The following GHR variants were observed in gnomAD, a reference collection of about 807,000 sequenced individuals.
GHR encodes the protein growth hormone receptor.
Under a neutral mutation model 67.1 loss-of-function variants are expected in GHR, and 35 were observed. The ratio of observed to expected loss-of-function variants is 0.52; its 90% CI spans 0.40 to 0.69. The LOEUF (loss-of-function observed/expected upper bound fraction) is 0.69. GHR is among the 30% of genes least tolerant of loss of function. GHR has a pLI of 0.00. For missense variants in GHR, 792 were observed against 764.6 expected (o/e 1.04, Z -0.42); for synonymous variants, 272 against 269.1 (o/e 1.01, Z -0.10).
At chr5:42,547,521 G>A (rs1244327335) in intron 1 of GHR, among the ~76,000 whole-genome samples, 2 of 152,046 alleles carry the variant, frequency 1.3e-5, no homozygotes, top group African/African-American at 2.4e-5. Flanking sequence ...TAAATGTTTA[G>A]TATTTTATAC....
At chr5:42,657,528 TGA>T (rs1161475126) in intron 3 of GHR, among the ~76,000 whole-genome samples, 1 of 152,174 alleles carries the variant, frequency 6.6e-6, no homozygotes, top group African/African-American at 2.4e-5. Context: ...CTTTTATTCT[TGA>T]GAGTTGTCCA....
chr5:42,445,083 G>A (rs189197699), intron 1 of GHR, among the ~76,000 whole-genome samples: 1 of 152,244 alleles, frequency 6.6e-6, no homozygotes, highest in East Asian at 1.9e-4. Context: ...AACATACAAA[G>A]CCTCATTGTC....
At chr5:42,534,159 T>G (rs1748114209) in intron 1 of GHR, among the ~76,000 whole-genome samples, 1 of 96,754 alleles carries the variant, frequency 1.0e-5, no homozygotes, top group Non-Finnish European at 2.3e-5. Flanking sequence ...TATGTATATA[T>G]ATGTACATAT....
chr5:42,566,978 A>C (rs1423311272), intron 2 of GHR, among the ~76,000 whole-genome samples: 1 of 152,248 alleles, frequency 6.6e-6, no homozygotes, highest in African/African-American at 2.4e-5. Context: ...AGCAATTTAA[A>C]AATATTTATA....
rs2940921 is a variant in GHR, at chr5:42,429,665, T to C, written c.-12+5710T>C. ...GAATGTACTATAAATTTATGGAAAG[T>C]ATAATACTGTGTGGGTAAATAAAAT... On this transcript the variant is annotated intron_variant, in intron 1 of 9. Transcript: ENST00000230882. Among the ~76,000 whole-genome samples the C allele has an allele frequency of 7.7e-3, 1,166 of 152,336 alleles. 61 individuals are homozygous for C. In the East Asian group the frequency reaches 0.15, roughly 19 times the overall value.
chr5:42,599,871 C>A (rs1272192914), intron 2 of GHR, among the ~76,000 whole-genome samples: 1 of 152,134 alleles, frequency 6.6e-6, no homozygotes, highest in Non-Finnish European at 1.5e-5. Context: ...GGCAAACATT[C>A]TCTACTTTTT....
chr5:42,701,065 C>T (rs893444121), intron 6 of GHR, among the ~76,000 whole-genome samples: 6 of 152,124 alleles, frequency 3.9e-5, no homozygotes, highest in South Asian at 2.1e-4. Context: ...CCTGAGGTGG[C>T]GGTTCTCAAA....
intron 1 of GHR, among the ~76,000 whole-genome samples, chr5:42,532,889 A>C (rs1048226414): frequency 4.6e-5 from 7 of 152,174 alleles, no homozygotes; most frequent in Admixed American, 3.9e-4. Flanking sequence ...AATAATGCTG[A>C]AAGAAATGTT....
intron 2 of GHR, among the ~76,000 whole-genome samples, chr5:42,587,269 T>C (rs1579999649): frequency 6.6e-6 from 1 of 152,122 alleles, no homozygotes; most frequent in African/African-American, 2.4e-5. Context: ...CTGCAGAAAC[T>C]GAAATACTTA....
intron 1 of GHR, chr5:42,468,343 A>C: frequency 1.3e-6 from 2 of 1,542,066 alleles, no homozygotes; most frequent in Admixed American, 3.6e-5. Flanking sequence ...TCAGCAGGGG[A>C]ACGCCTATAG....
intron 3 of GHR, among the ~76,000 whole-genome samples, chr5:42,644,844 C>T (rs1276009815): frequency 1.3e-5 from 2 of 151,774 alleles, no homozygotes; most frequent in African/African-American, 4.8e-5. Flanking sequence ...TTTGCAAATT[C>T]CAAAATAAAA....
At chr5:42,541,046 G>A (rs1748495068) in intron 1 of GHR, among the ~76,000 whole-genome samples, 1 of 147,758 alleles carries the variant, frequency 6.8e-6, no homozygotes. Context: ...TACCCACCAT[G>A]TTTTACTTTT....
chr5:42,423,910 G>C lies in GHR; in HGVS notation c.-57G>C, dbSNP rs1447208747. 2 of 153,918 alleles carry C rather than the reference G, an allele frequency of 1.3e-5. No homozygotes were observed. Among genetic ancestry groups the C allele is most frequent in the Admixed American group, 6.6e-5 (1 of 15,262 alleles). 9.5% of individuals were successfully genotyped at this position (153,918 alleles called of 1,614,324 possible). On this transcript the variant is annotated 5_prime_UTR_variant, in exon 1 of 10. Transcript: ENST00000230882. The stretch of plus-strand genomic sequence containing the variant: ...GGAGGCCCCGGCACCATTGGCCCCA[G>C]CGCAGACGCGAACCCGCGCTCTCTG...
chr5:42,538,432 T>A (rs1015065192), intron 1 of GHR, among the ~76,000 whole-genome samples: 1 of 152,218 alleles, frequency 6.6e-6, no homozygotes, highest in African/African-American at 2.4e-5. Context: ...CCTTCATATA[T>A]GATGCTTAGC....
intron 2 of GHR, among the ~76,000 whole-genome samples, chr5:42,571,606 T>A (rs1220925194): frequency 6.6e-6 from 1 of 152,128 alleles, no homozygotes; most frequent in Admixed American, 6.5e-5. Context: ...GCTGGCAGTG[T>A]GAGTGATTAG....
chr5:42,678,657 A>G (rs1756686622), intron 3 of GHR, among the ~76,000 whole-genome samples: 3 of 152,192 alleles, frequency 2.0e-5, no homozygotes, highest in Admixed American at 2.0e-4. Context: ...ATGCCAGACA[A>G]AGGAAACATT....
At chr5:42,531,549 C>T (rs1429166203) in intron 1 of GHR, among the ~76,000 whole-genome samples, 1 of 151,826 alleles carries the variant, frequency 6.6e-6, no homozygotes, top group East Asian at 1.9e-4. Context: ...GTAATCATAG[C>T]TCCCTGAAGC....
intron 1 of GHR, among the ~76,000 whole-genome samples, chr5:42,507,800 C>A (rs1408950303): frequency 6.6e-6 from 1 of 152,172 alleles, no homozygotes; most frequent in Non-Finnish European, 1.5e-5. Context: ...TCTGGAGAGA[C>A]ATAGGCTAGG....
chr5:42,569,252 A>C (rs1750127344), intron 2 of GHR, among the ~76,000 whole-genome samples: 1 of 152,244 alleles, frequency 6.6e-6, no homozygotes, highest in Non-Finnish European at 1.5e-5. Context: ...TTACTGTGCT[A>C]GTCAATGGAT....
Sources: gnomAD v4.1 joint callset for allele counts (sites outside exome capture counted in the v4.1 genomes callset) on GRCh38, gnomAD v4.1.1 for gene constraint, MANE v1.5 for transcripts, NCBI Gene and HGNC (gene_info 2026-07-23, HGNC 2026-07-21) for gene names.